MBNL1: variants seen among roughly 807,000 people sequenced by gnomAD.
The protein encoded by MBNL1 is muscleblind-like protein 1.
In MBNL1, 8 loss-of-function variants were observed where a neutral mutation model predicts 42.2. The ratio of observed to expected loss-of-function variants is 0.19; its 90% CI spans 0.11 to 0.34. The LOEUF (loss-of-function observed/expected upper bound fraction) is 0.34, where lower values mean the gene tolerates loss of function less well. Among genes scored for constraint, MBNL1 ranks in the 10% least tolerant of loss-of-function variants. MBNL1 has a pLI of 1.00. For missense variants in MBNL1, 309 were observed against 495.3 expected, an observed-to-expected ratio of 0.62 and a Z score of 3.57; for synonymous variants, 169 against 173.9, an observed-to-expected ratio of 0.97 and a Z score of 0.22.
chr3:152,458,161 G>A, intron 8 of MBNL1: 1 of 1,613,876 alleles, frequency 6.2e-7, no homozygotes. Flanking sequence ...ACTGTTGGGT[G>A]CAACATCCTG....
At chr3:152,268,655 G>T (rs538016038), upstream of MBNL1, 40 of 419,180 alleles carry the variant, frequency 9.5e-5, no homozygotes, top group South Asian at 6.5e-4. Flanking sequence ...GCCCGCGCGG[G>T]CTCCGGCTTC....
chr3:152,359,083 C>T (rs1168561670), intron 2 of MBNL1, among the ~76,000 whole-genome samples: 2 of 152,006 alleles, frequency 1.3e-5, no homozygotes, highest in Admixed American at 1.3e-4. Flanking sequence ...ACCTTATATC[C>T]CTGAAATAAC....
At chr3:152,391,344 T>G (rs1286987154) in intron 2 of MBNL1, among the ~76,000 whole-genome samples, 1 of 152,266 alleles carries the variant, frequency 6.6e-6, no homozygotes, top group East Asian at 1.9e-4. Flanking sequence ...CCATGAAATC[T>G]TCATAGCAAG....
At chr3:152,409,934 T>C (rs891378374) in intron 2 of MBNL1, among the ~76,000 whole-genome samples, 12 of 152,208 alleles carry the variant, frequency 7.9e-5, no homozygotes, top group Admixed American at 4.6e-4. Context: ...AACCAACTTC[T>C]AATCGTTTTG....
At chr3:152,268,103 T>C (rs1259255272), upstream of MBNL1, 1 of 152,330 alleles carries the variant, frequency 6.6e-6, no homozygotes, top group Non-Finnish European at 1.5e-5. Flanking sequence ...CTGGCGACAA[T>C]ATGGCTTACT....
intron 2 of MBNL1, among the ~76,000 whole-genome samples, chr3:152,372,104 C>G (rs2096690581): frequency 6.6e-6 from 1 of 152,158 alleles, no homozygotes; most frequent in African/African-American, 2.4e-5. Context: ...GCTATTGATA[C>G]TTGTGTATGC....
chr3:152,340,930 A>C (rs745656372), intron 2 of MBNL1: 1 of 1,572,234 alleles, frequency 6.4e-7, no homozygotes, highest in East Asian at 2.2e-5. Flanking sequence ...CTCTCCAGAC[A>C]GGAGACTGCA....
chr3:152,297,254 G>GTTTTTT (rs1023006189), intron 1 of MBNL1, among the ~76,000 whole-genome samples: 6 of 101,504 alleles, frequency 5.9e-5, no homozygotes, highest in East Asian at 2.6e-4. Flanking sequence ...CTGGACCTTT[G>GTTTTTT]TTTTTTTTTT....
At chr3:152,341,013 TA>T in intron 2 of MBNL1, 1 of 1,304,566 alleles carries the variant, frequency 7.7e-7, no homozygotes. Context: ...GTACGATGCT[TA>T]TTTTTTAAAA....
At chr3:152,432,550 A>G (rs1560571588) in intron 3 of MBNL1, among the ~76,000 whole-genome samples, 167 bp from the exon 4 acceptor site, 1 of 152,204 alleles carries the variant, frequency 6.6e-6, no homozygotes. Flanking sequence ...TGTTTATTTA[A>G]TAAAACAGCC....
At chr3:152,340,604 A>C in intron 2 of MBNL1, 1 of 1,613,970 alleles carries the variant, frequency 6.2e-7, no homozygotes, top group Non-Finnish European at 8.5e-7. Flanking sequence ...CCAAGTTTGG[A>C]AACTATCAGC....
At chr3:152,253,783 C>T (rs879364938) in intron 2 of MBNL1, among the ~76,000 whole-genome samples, 2 of 152,194 alleles carry the variant, frequency 1.3e-5, no homozygotes, top group South Asian at 2.1e-4. Flanking sequence ...ATTTGGGTCT[C>T]TTCTCAAACA....
chr3:152,412,091 T>G (rs1452065792), intron 2 of MBNL1, among the ~76,000 whole-genome samples: 1 of 152,170 alleles, frequency 6.6e-6, no homozygotes, highest in Non-Finnish European at 1.5e-5. Context: ...ACCTTAACTC[T>G]CAAAGGAAGG....
chr3:152,441,360 A>G (rs1025527885), intron 4 of MBNL1, among the ~76,000 whole-genome samples: 8 of 152,154 alleles, frequency 5.3e-5, no homozygotes, highest in Non-Finnish European at 8.8e-5. Flanking sequence ...CCAGATTTGT[A>G]TGGTGTGTTG....
chr3:152,268,809 T>A, upstream of MBNL1: 1 of 453,820 alleles, frequency 2.2e-6, no homozygotes, highest in Non-Finnish European at 4.4e-6. Flanking sequence ...GCCGCGTGCA[T>A]TAGGAGCTCG....
At chr3:152,256,721 A>T (rs754219829) in intron 2 of MBNL1, among the ~76,000 whole-genome samples, 1 of 151,990 alleles carries the variant, frequency 6.6e-6, no homozygotes, top group Non-Finnish European at 1.5e-5. Flanking sequence ...TACTGAAAAG[A>T]CTCTTTTTAA....
At chr3:152,333,520 C>G (rs1358320879) in intron 2 of MBNL1, among the ~76,000 whole-genome samples, 1 of 152,116 alleles carries the variant, frequency 6.6e-6, no homozygotes, top group Non-Finnish European at 1.5e-5. Context: ...AGAGAGTGGG[C>G]ATAAAACCAC....
chr3:152,350,546 C>CT (rs1174144605), intron 2 of MBNL1, among the ~76,000 whole-genome samples: 1 of 151,966 alleles, frequency 6.6e-6, no homozygotes. Flanking sequence ...GTCTTTTTCA[C>CT]TAAGGGAAGG....
At chr3:152,439,526 A>T (rs1001913428) in intron 4 of MBNL1, among the ~76,000 whole-genome samples, 1 of 152,190 alleles carries the variant, frequency 6.6e-6, no homozygotes, top group Non-Finnish European at 1.5e-5. Context: ...AGAAACCTTA[A>T]GAGTTTTCAC....
Sources: allele counts gnomAD v4.1 joint callset (sites outside exome capture counted in the v4.1 genomes callset), GRCh38; gene constraint gnomAD v4.1.1; transcripts MANE v1.5; gene names NCBI Gene and HGNC (gene_info 2026-07-23, HGNC 2026-07-21).